EXTL2: variants seen among roughly 807,000 people sequenced by gnomAD.
The protein encoded by EXTL2 is exostosin like glycosyltransferase 2.
A neutral mutation model predicts 30.7 loss-of-function variants in EXTL2; 23 were observed. That is an observed-to-expected ratio of 0.75 (90% CI 0.54 to 1.06). The LOEUF (loss-of-function observed/expected upper bound fraction) is 1.06, where lower values mean the gene tolerates loss of function less well. EXTL2 is among the 50% of genes least tolerant of loss of function. EXTL2 has a pLI of 0.00. For synonymous variants in EXTL2, 123 were observed against 133.8 expected (o/e 0.92, Z 0.56); for missense variants, 352 against 396.3 (o/e 0.89, Z 0.95).
chr1:100,883,560 A>G (rs1330375486), intron 2 of EXTL2, among the ~76,000 whole-genome samples: 1 of 152,218 alleles, frequency 6.6e-6, no homozygotes, highest in African/African-American at 2.4e-5. Flanking sequence ...TGCTGTATAT[A>G]TCATGAGGTA....
rs11804804 is a variant in EXTL2, at chr1:100,884,430, T to G, written c.5+4323A>C. ...ACAGAGGCCAATGCAGAACCTGAGC[T>G]GATGCACGTAAGAAGATGCAAAAAG... On this transcript the variant is annotated intron_variant, in intron 2 of 4. Coordinates refer to ENST00000370114, the MANE Select transcript of EXTL2 (RefSeq NM_001033025.3). Among the ~76,000 whole-genome samples the G allele has an allele frequency of 6.2e-3, 939 of 152,328 alleles. 13 individuals are homozygous for G. The highest frequency in any genetic ancestry group is 0.021 in the African/African-American group (880 of 41,562).
At chr1:100,888,696 T>C (rs1274517556) in intron 2 of EXTL2, 57 bp downstream of exon 2, 2 of 937,848 alleles carry the variant, frequency 2.1e-6, no homozygotes, top group Non-Finnish European at 3.4e-6. Context: ...GTGATAAATT[T>C]TGTGTTATAC....
At chr1:100,884,074 C>G (rs547311224) in intron 2 of EXTL2, among the ~76,000 whole-genome samples, 9 of 152,096 alleles carry the variant, frequency 5.9e-5, no homozygotes, top group Non-Finnish European at 1.3e-4. Context: ...GACTGGAAAG[C>G]AATAATTATC....
chr1:100,874,452 A>C (rs775788632), intron 4 of EXTL2, 22 bp from the exon 5 acceptor site: 2 of 1,542,382 alleles, frequency 1.3e-6, no homozygotes, highest in East Asian at 4.5e-5. Context: ...GAAAAAGAAC[A>C]ATAAAATGTC....
chr1:100,883,204 T>A (rs978796706), intron 2 of EXTL2, among the ~76,000 whole-genome samples: 1 of 152,076 alleles, frequency 6.6e-6, no homozygotes, highest in Non-Finnish European at 1.5e-5. Flanking sequence ...TATGTTGGAG[T>A]TTTTTAGTAT....
Position 100,873,853 on chromosome 1 carries a change from A to G in EXTL2, c.*89T>C. On this transcript the variant is annotated 3_prime_UTR_variant, in exon 5 of 5. Coordinates refer to ENST00000370114, the MANE Select transcript of EXTL2 (RefSeq NM_001033025.3). ...TGTAGAGACTTCTGGAGTAGATAAA[A>G]TTCATGATGTTGCTTAAAAAAATAC... 1 of 1,344,320 alleles carries G rather than the reference A, an allele frequency of 7.4e-7. No homozygotes were observed. The highest frequency in any genetic ancestry group is 1.0e-6 in the Non-Finnish European group (1 of 986,326). 83.3% of individuals were successfully genotyped at this position (1,344,320 alleles called of 1,614,324 possible). A position where few individuals can be genotyped will look rare whatever the true frequency, so the allele number is the denominator to read the frequency against.
chr1:100,881,882 T>C (rs1205485728), intron 2 of EXTL2, among the ~76,000 whole-genome samples: 1 of 152,208 alleles, frequency 6.6e-6, no homozygotes, highest in Non-Finnish European at 1.5e-5. Flanking sequence ...GTCTGCAGCC[T>C]GTTAGGAACT....
Position 100,874,414 on chromosome 1 carries a change from A to G in EXTL2, c.521T>C (p.Ile174Thr). 6.3e-7 allele frequency: 1 copy of G among 1,588,034 alleles called. No individual in the cohort carries two copies. The highest frequency in any genetic ancestry group is 1.7e-4 in the Middle Eastern group (1 of 5,804). Residue 174 changes from isoleucine (I) to threonine (T), a missense_variant, in exon 5 of 5, where the codon ATT becomes ACT. Ile to Thr is a moderately conservative substitution (Grantham distance 89, BLOSUM62 -1). Coordinates refer to ENST00000370114, the MANE Select transcript of EXTL2 (RefSeq NM_001033025.3). ...GTGCTTTCTAGGAACAAATCCTACA[A>G]TTTGATCAGGAAATTGCTGAAAAGA... is the stretch of plus-strand genomic sequence containing the variant. The part of the protein sequence containing the change: ...FSVWQQFPDQ[I>T]VGFVPRKHVS...
intron 1 of EXTL2, among the ~76,000 whole-genome samples, chr1:100,892,416 T>G (rs1348648546): frequency 6.6e-6 from 1 of 152,210 alleles, no homozygotes; most frequent in Non-Finnish European, 1.5e-5. Context: ...CAGTGGTTTG[T>G]CAGGGGCTCT....
chr1:100,872,821 T>A lies in EXTL2; in HGVS notation c.*1121A>T, dbSNP rs1431475995. The A allele has an allele frequency of 6.6e-6, 1 of 152,034 alleles. No individual in the cohort carries two copies. The highest frequency in any genetic ancestry group is 1.5e-5 in the Non-Finnish European group (1 of 67,970). 9.4% of individuals were successfully genotyped at this position (152,034 alleles called of 1,614,324 possible). A position where few individuals can be genotyped will look rare whatever the true frequency, so the allele number is the denominator to read the frequency against. The stretch of plus-strand genomic sequence containing the variant: ...CAATGGGTGAAACACAGACGCTAAT[T>A]CACATAACAGAGAGTAGGCAACCTT... On this transcript the variant is annotated 3_prime_UTR_variant, in exon 5 of 5. Coordinates refer to ENST00000370114, the MANE Select transcript of EXTL2 (RefSeq NM_001033025.3).
intron 2 of EXTL2, among the ~76,000 whole-genome samples, chr1:100,884,816 G>A (rs552164600): frequency 6.6e-6 from 1 of 151,972 alleles, no homozygotes; most frequent in South Asian, 2.1e-4. Flanking sequence ...TTCAACTATC[G>A]ACTGTTCTTT....
intron 2 of EXTL2, among the ~76,000 whole-genome samples, chr1:100,879,303 C>CT (rs1221559807): frequency 6.6e-6 from 1 of 152,074 alleles, no homozygotes; most frequent in East Asian, 1.9e-4. Flanking sequence ...AGGTATGGTC[C>CT]TTGTTTTGTA....
In EXTL2 at chr1:100,891,397, A is replaced by T. The variant is rs114431332; in HGVS notation, c.-71-2569T>A. ...GGGGAATTGCAAAAAAGAAAGAGTA[A>T]TCTATGCAGAGCTGGTTGTGCGGGA... On this transcript the variant is annotated intron_variant, in intron 1 of 4. Coordinates refer to ENST00000370114, the MANE Select transcript of EXTL2 (RefSeq NM_001033025.3). Among the ~76,000 whole-genome samples, 493 of 152,342 alleles carry T rather than the reference A, an allele frequency of 3.2e-3. 4 individuals carry two copies. The highest frequency in any genetic ancestry group is 0.011 in the African/African-American group (464 of 41,576).
chr1:100,891,422 A>G (rs922923432), intron 1 of EXTL2, among the ~76,000 whole-genome samples: 1 of 152,220 alleles, frequency 6.6e-6, no homozygotes, highest in Non-Finnish European at 1.5e-5. Flanking sequence ...GTTGTGCGGG[A>G]GACCAGAGTT....
Position 100,878,502 on chromosome 1 carries a change from G to C in EXTL2, c.6-599C>G, listed in dbSNP as rs79194676. The C allele has an allele frequency of 3.3e-3, 1,551 of 469,860 alleles. 28 individuals carry two copies. The highest frequency in any genetic ancestry group is 0.028 in the African/African-American group (1,407 of 50,124). The allele number at this position is 469,860 out of a possible 1,614,324, so 29.1% of individuals were successfully genotyped here. ...AAGGTGTCTGCTGTTAGTAGCAGAGGAGATGATAGGGAGAAACAGATAACA... is the reference window on the plus strand; with the variant it reads ...AAGGTGTCTGCTGTTAGTAGCAGAGCAGATGATAGGGAGAAACAGATAACA... On this transcript the variant is annotated intron_variant, in intron 2 of 4. Transcript: ENST00000370114.
rs926398550 is a variant in EXTL2, at chr1:100,894,640, G to A, written c.-79C>T. 1 of 152,140 alleles carries A rather than the reference G, an allele frequency of 6.6e-6. No individual in the cohort carries two copies. Among genetic ancestry groups the A allele is most frequent in the East Asian group, 1.9e-4 (1 of 5,192 alleles). 9.4% of individuals were successfully genotyped at this position (152,140 alleles called of 1,614,324 possible). ...TTTGCTGTGTCTCCTTACCTCGAGTGCAGTAGATTGCAGTAGGGCCAGCCG... is the reference window on the plus strand; with the variant it reads ...TTTGCTGTGTCTCCTTACCTCGAGTACAGTAGATTGCAGTAGGGCCAGCCG... On this transcript the variant is annotated 5_prime_UTR_variant, in exon 1 of 5. Coordinates refer to ENST00000370114, the MANE Select transcript of EXTL2 (RefSeq NM_001033025.3).
At chr1:100,879,926 G>C (rs114428195) in intron 2 of EXTL2, among the ~76,000 whole-genome samples, 10 of 152,130 alleles carry the variant, frequency 6.6e-5, no homozygotes, top group African/African-American at 2.2e-4. Context: ...GTTTGGAATA[G>C]AATAGAATAG....
At position 100,877,966 on chromosome 1, in the gene EXTL2, GT is replaced by G; in HGVS notation, c.6-64del. 7 of 1,278,770 alleles carry G rather than the reference GT, an allele frequency of 5.5e-6. No individual in the cohort carries two copies. Among genetic ancestry groups the G allele is most frequent in the East Asian group, 4.7e-5 (2 of 42,626 alleles). 79.2% of individuals were successfully genotyped at this position (1,278,770 alleles called of 1,614,324 possible). The stretch of plus-strand genomic sequence containing the variant: ...TTCTTACGAGTCCCTGTGTTTTCAT[GT>G]TTTTTTCCAATGAGGAAAGATATCA... On this transcript the variant is annotated intron_variant, in intron 2 of 4. Transcript: ENST00000370114. This position sits in a 1 kb window ranked among gnomAD's most constrained non-coding sequence, Gnocchi z 4.1.
At position 100,891,900 on chromosome 1, in the gene EXTL2, G is replaced by C. The variant is rs188829064; in HGVS notation, c.-72+2733C>G. ...CTAAATTCCTTCCCAAGGCTAGTTT[G>C]GCTTACATTCAGGAATGGACGTTTA... On this transcript the variant is annotated intron_variant, in intron 1 of 4. Transcript: ENST00000370114. 2.3e-3 allele frequency among the ~76,000 whole-genome samples: 347 copies of C among 152,288 alleles called. 4 individuals carry two copies. Among genetic ancestry groups the C allele is most frequent in the African/African-American group, 8.0e-3 (334 of 41,560 alleles).
Sources: gnomAD v4.1 joint callset for allele counts (sites outside exome capture counted in the v4.1 genomes callset) on GRCh38, gnomAD v4.1.1 for gene constraint, Gnocchi (gnomAD v3.1) non-coding constraint, MANE v1.5 for transcripts, NCBI Gene and HGNC (gene_info 2026-07-23, HGNC 2026-07-21) for gene names.